Variants in ALS2 observed in about 807,000 individuals in gnomAD.
ALS2 encodes the protein alsin Rho guanine nucleotide exchange factor ALS2.
ALS2 carries 117 observed loss-of-function variants against 203.4 expected under a neutral mutation model. The observed-to-expected ratio is 0.58, with a 90% confidence interval of 0.50 to 0.67. The LOEUF (loss-of-function observed/expected upper bound fraction) is 0.67, where lower values mean the gene tolerates loss of function less well. ALS2 is among the 30% of genes least tolerant of loss of function. The probability of loss-of-function intolerance (pLI) is 0.00; values close to 1 mark genes in which losing one functional copy is unlikely to be tolerated. For synonymous variants in ALS2, 718 were observed against 725.9 expected (o/e 0.99, Z 0.17); for missense variants, 1,715 against 1,989.4 (o/e 0.86, Z 2.62).
chr2:201,710,073 G>A (rs1409020874), intron 26 of ALS2, 35 bp from the exon 27 acceptor site: 2 of 1,610,578 alleles, frequency 1.2e-6, no homozygotes, highest in African/African-American at 1.3e-5. Flanking sequence ...GTCAGTTGAT[G>A]TGCATTAACA....
chr2:201,743,609 C>T lies in ALS2; in HGVS notation c.2170+649G>A, dbSNP rs190644613. Among the ~76,000 whole-genome samples, 529 of 152,140 alleles carry T rather than the reference C, an allele frequency of 3.5e-3. 2 individuals carry two copies. The highest frequency in any genetic ancestry group is 4.8e-3 in the Non-Finnish European group (326 of 67,996). On this transcript the variant is annotated intron_variant, in intron 10 of 33. Transcript: ENST00000264276. ...AAGCAATTCTCCTGCCTCAGCCTCC[C>T]GAGTAGCTGGAATTACAGGCACCCA...
Position 201,733,451 on chromosome 2 carries a change from G to A in ALS2, c.2418-13C>T. ...ATTTAGGAAATCACTAGAGGCAGAG[G>A]AAAAAAAAATTTAGTTAATCATTTT... is the stretch of plus-strand genomic sequence containing the variant. On this transcript the variant is annotated splice_polypyrimidine_tract_variant and intron_variant, in intron 12 of 33. Coordinates refer to ENST00000264276, the MANE Select transcript of ALS2 (RefSeq NM_020919.4). 6.2e-7 allele frequency: 1 copy of A among 1,606,220 alleles called. No homozygotes were observed. The highest frequency in any genetic ancestry group is 1.3e-5 in the African/African-American group (1 of 74,368).
intron 9 of ALS2, among the ~76,000 whole-genome samples, 192 bp from the exon 10 acceptor site, chr2:201,744,621 G>GT (rs1043564731): frequency 2.0e-5 from 3 of 151,666 alleles, no homozygotes; most frequent in Admixed American, 6.6e-5. Context: ...ACAGACTAGG[G>GT]TTTTTTTTGG....
chr2:201,767,914 T>C (rs557869437), intron 2 of ALS2, among the ~76,000 whole-genome samples: 1 of 149,692 alleles, frequency 6.7e-6, no homozygotes, highest in South Asian at 2.1e-4. Context: ...AACCCACAAA[T>C]TACTTTTCTC....
At chr2:201,775,621 G>C (rs1694622496) in intron 1 of ALS2, among the ~76,000 whole-genome samples, 1 of 152,048 alleles carries the variant, frequency 6.6e-6, no homozygotes. Flanking sequence ...GGAAGGCTGA[G>C]GAAAACTCAC....
chr2:201,754,448 G>A (rs1693260034), intron 6 of ALS2, 55 bp downstream of exon 6: 2 of 1,608,846 alleles, frequency 1.2e-6, no homozygotes, highest in East Asian at 4.5e-5. Flanking sequence ...ACCTTCCCAG[G>A]AGAGAGATTA....
chr2:201,730,632 TAAA>T (rs1028735012), intron 13 of ALS2, among the ~76,000 whole-genome samples: 2 of 146,800 alleles, frequency 1.4e-5, no homozygotes, highest in African/African-American at 5.0e-5. Context: ...CTTTCAAGTT[TAAA>T]AAAAAAAAAA....
chr2:201,775,239 A>AT (rs1338408086), intron 1 of ALS2, among the ~76,000 whole-genome samples: 1 of 152,246 alleles, frequency 6.6e-6, no homozygotes, highest in East Asian at 1.9e-4. Context: ...TCATGTAGCC[A>AT]TTAACACTTC....
chr2:201,717,991 G>T, intron 24 of ALS2, 86 bp downstream of exon 24: 1 of 1,378,682 alleles, frequency 7.3e-7, no homozygotes, highest in Non-Finnish European at 1.0e-6. Flanking sequence ...ACTTGACTTT[G>T]CTTTTAAAAT....
At chr2:201,776,211 C>T (rs1222037423) in intron 1 of ALS2, among the ~76,000 whole-genome samples, 1 of 152,172 alleles carries the variant, frequency 6.6e-6, no homozygotes, top group African/African-American at 2.4e-5. Flanking sequence ...AGAAGTGTTC[C>T]TTTCTCCCTT....
chr2:201,744,679 CATT>C (rs1365096868), intron 9 of ALS2, among the ~76,000 whole-genome samples: 1 of 149,488 alleles, frequency 6.7e-6, no homozygotes, highest in Non-Finnish European at 1.5e-5. Context: ...ATCAGTACAT[CATT>C]GTTATATATG....
At chr2:201,746,871 C>T (rs1303237099) in intron 8 of ALS2, 123 bp from the exon 9 acceptor site, 1 of 1,048,814 alleles carries the variant, frequency 9.5e-7, no homozygotes, top group East Asian at 2.4e-5. Flanking sequence ...TATCTGAGAG[C>T]AAACTTACCC....
At chr2:201,707,821 T>C (rs1364115550) in intron 28 of ALS2, 48 bp downstream of exon 28, 2 of 1,602,918 alleles carry the variant, frequency 1.2e-6, no homozygotes, top group East Asian at 2.3e-5. Flanking sequence ...AGTAAGATCA[T>C]CTAGTCACCA....
intron 1 of ALS2, among the ~76,000 whole-genome samples, chr2:201,780,561 G>C (rs963352176): frequency 6.6e-6 from 1 of 152,196 alleles, no homozygotes; most frequent in African/African-American, 2.4e-5. Context: ...GGCGGGAAGA[G>C]GGGGCTTGAA....
intron 7 of ALS2, 92 bp downstream of exon 7, chr2:201,753,054 C>T: frequency 1.0e-6 from 1 of 972,938 alleles, no homozygotes. Context: ...CATTGCCTGA[C>T]ATATAGCAGA....
intron 1 of ALS2, among the ~76,000 whole-genome samples, chr2:201,779,226 T>C (rs1694791166): frequency 6.6e-6 from 1 of 152,188 alleles, no homozygotes; most frequent in South Asian, 2.1e-4. Context: ...ATTTAAAAAG[T>C]AAATGGCCTG....
chr2:201,723,389 C>A lies in ALS2; in HGVS notation c.3565G>T (p.Val1189Leu), dbSNP rs1690938712. 6.2e-7 allele frequency: 1 copy of A among 1,614,128 alleles called. No homozygotes were observed. The highest frequency in any genetic ancestry group is 8.5e-7 in the Non-Finnish European group (1 of 1,179,998). The change falls in exon 22 of 34, where the codon GTG (valine) becomes TTG (leucine). Residue 1189 changes from valine (V) to leucine (L), a missense_variant. Coordinates refer to ENST00000264276, the MANE Select transcript of ALS2 (RefSeq NM_020919.4). Reference sequence around the variant, plus strand: ...TATAATCCAAACTGGGTAACCACCACACCATTCCCTTGACACACATCATCT... The same window carrying A: ...TATAATCCAAACTGGGTAACCACCAAACCATTCCCTTGACACACATCATCT... ...WQDDVCQGNG[V>L]VVTQFGLYYE... is the part of the protein sequence containing the mutation.
intron 3 of ALS2, among the ~76,000 whole-genome samples, 169 bp downstream of exon 3, chr2:201,767,060 T>G (rs1344974101): frequency 2.0e-5 from 3 of 151,274 alleles, no homozygotes; most frequent in African/African-American, 7.3e-5. Context: ...ACCTACACGT[T>G]GTGCACATGT....
rs1264321433 is a variant in ALS2, at chr2:201,727,690, G to C, written c.2912+15C>G. On this transcript the variant is annotated intron_variant, in intron 16 of 33. Coordinates refer to ENST00000264276, the MANE Select transcript of ALS2 (RefSeq NM_020919.4). ...GACTTGGACGGGGTGGGGTGGGGAGGGGGGACGCACTTACACACCACCAGC... is the reference window on the plus strand; with the variant it reads ...GACTTGGACGGGGTGGGGTGGGGAGCGGGGACGCACTTACACACCACCAGC... 3.2e-6 allele frequency: 5 copies of C among 1,549,920 alleles called. No individual in the cohort carries two copies. The Admixed American group carries it at 7.8e-5, about 24-fold the overall frequency.
Sources: gnomAD v4.1 joint callset for allele counts (sites outside exome capture counted in the v4.1 genomes callset) on GRCh38, gnomAD v4.1.1 for gene constraint, MANE v1.5 for transcripts, NCBI Gene and HGNC (gene_info 2026-07-23, HGNC 2026-07-21) for gene names.